The following SPOCK1 variants were observed in gnomAD, a reference collection of about 807,000 sequenced individuals.
The protein encoded by SPOCK1 is testican-1.
Under a neutral mutation model 55.3 loss-of-function variants are expected in SPOCK1, and 23 were observed. That is an observed-to-expected ratio of 0.42 (90% CI 0.30 to 0.59). SPOCK1 has a LOEUF of 0.59. Ranked by LOEUF, SPOCK1 falls within the 20% of genes least tolerant of loss-of-function variation. The probability of loss-of-function intolerance (pLI) is 0.22; values close to 1 mark genes in which losing one functional copy is unlikely to be tolerated. For missense variants in SPOCK1, 499 were observed against 552.5 expected (o/e 0.90, Z 0.97); for synonymous variants, 226 against 221.0 (o/e 1.02, Z -0.20).
chr5:137,149,731 T>G (rs992809394), intron 3 of SPOCK1, among the ~76,000 whole-genome samples: 1 of 152,322 alleles, frequency 6.6e-6, no homozygotes, highest in Admixed American at 6.5e-5. Flanking sequence ...TTGTTGATCA[T>G]GTAAGGATTG....
At chr5:137,193,412 A>G (rs1755228171) in intron 3 of SPOCK1, among the ~76,000 whole-genome samples, 1 of 152,190 alleles carries the variant, frequency 6.6e-6, no homozygotes, top group African/African-American at 2.4e-5. Flanking sequence ...TTTTCTAGCT[A>G]TAGTAACTGG....
At chr5:137,391,481 G>C (rs752174675) in intron 2 of SPOCK1, among the ~76,000 whole-genome samples, 31 of 152,098 alleles carry the variant, frequency 2.0e-4, no homozygotes, top group Non-Finnish European at 4.0e-4. Flanking sequence ...CTTCAATCCT[G>C]AGGGCAAGGG....
chr5:137,318,614 T>A (rs1757925944), intron 2 of SPOCK1, among the ~76,000 whole-genome samples: 1 of 152,192 alleles, frequency 6.6e-6, no homozygotes, highest in Admixed American at 6.5e-5. Flanking sequence ...GGGTTTGAAG[T>A]GGAAATAGAA....
intron 5 of SPOCK1, among the ~76,000 whole-genome samples, chr5:137,085,862 C>G (rs1376093879): frequency 6.6e-6 from 1 of 152,126 alleles, no homozygotes; most frequent in African/African-American, 2.4e-5. Context: ...TCACCCAAGG[C>G]AAAAAGCCCT....
chr5:137,284,102 T>C (rs147882643), intron 2 of SPOCK1, among the ~76,000 whole-genome samples: 63 of 152,340 alleles, frequency 4.1e-4, no homozygotes, highest in South Asian at 1.0e-3. Flanking sequence ...CTACATTTTG[T>C]AGCTGAGGAA....
intron 5 of SPOCK1, among the ~76,000 whole-genome samples, chr5:137,078,816 T>A (rs1460642870): frequency 6.6e-6 from 1 of 152,194 alleles, no homozygotes; most frequent in African/African-American, 2.4e-5. Flanking sequence ...AGCTTCTCCA[T>A]GCCGGACTGA....
At chr5:137,347,955 A>C (rs1057010455) in intron 2 of SPOCK1, among the ~76,000 whole-genome samples, 4 of 152,188 alleles carry the variant, frequency 2.6e-5, no homozygotes, top group Non-Finnish European at 5.9e-5. Context: ...TCTTGTTAAA[A>C]TGCACATTCT....
At chr5:137,150,003 A>C (rs529358890) in intron 3 of SPOCK1, among the ~76,000 whole-genome samples, 1 of 152,180 alleles carries the variant, frequency 6.6e-6, no homozygotes, top group African/African-American at 2.4e-5. Context: ...CGCACAGTTC[A>C]TGCTCATTTA....
intron 9 of SPOCK1, among the ~76,000 whole-genome samples, chr5:136,983,345 A>G (rs1750769975): frequency 6.6e-6 from 1 of 152,194 alleles, no homozygotes. Context: ...AGGCTATACC[A>G]AGATGATCAT....
intron 2 of SPOCK1, among the ~76,000 whole-genome samples, chr5:137,465,062 G>T (rs1753592881): frequency 6.6e-6 from 1 of 152,140 alleles, no homozygotes; most frequent in Admixed American, 6.5e-5. Flanking sequence ...GGAGAGGAAG[G>T]GAGTGCCAGA....
chr5:137,236,135 C>T (rs1464999200), intron 3 of SPOCK1, among the ~76,000 whole-genome samples: 1 of 152,260 alleles, frequency 6.6e-6, no homozygotes, highest in Admixed American at 6.5e-5. Flanking sequence ...CCAGAATTTT[C>T]TGCCCAAATG....
intron 5 of SPOCK1, among the ~76,000 whole-genome samples, chr5:137,077,951 C>G (rs1752803680): frequency 6.6e-6 from 1 of 151,734 alleles, no homozygotes; most frequent in South Asian, 2.1e-4. Flanking sequence ...TTTCATTTTA[C>G]AGATGAGAAG....
chr5:136,988,053 G>T (rs1197058931), intron 8 of SPOCK1, among the ~76,000 whole-genome samples: 1 of 152,092 alleles, frequency 6.6e-6, no homozygotes, highest in African/African-American at 2.4e-5. Context: ...CAATGAGAAT[G>T]ATTTTCATTG....
intron 6 of SPOCK1, among the ~76,000 whole-genome samples, chr5:137,041,085 T>A (rs1751988332): frequency 6.6e-6 from 1 of 152,206 alleles, no homozygotes; most frequent in Admixed American, 6.5e-5. Flanking sequence ...AAGTCTCATA[T>A]TACTAGATTT....
rs143673555 is a variant in SPOCK1 at position 137,312,342 on chromosome 5, G to T, written c.187-45287C>A. On this transcript the variant is annotated intron_variant, in intron 2 of 10. Coordinates refer to ENST00000394945, the MANE Select transcript of SPOCK1 (RefSeq NM_004598.4). ...CTGGCCTAGTCTTGGGACCTCAGAG[G>T]GTCATGGATCTGCTTGATCTCATCC... 1.2e-3 allele frequency among the ~76,000 whole-genome samples: 179 copies of T among 152,164 alleles called. 3 individuals carry two copies. The highest frequency in any genetic ancestry group is 4.0e-3 in the African/African-American group (168 of 41,526).
chr5:137,063,005 C>A (rs1307750571), intron 6 of SPOCK1, among the ~76,000 whole-genome samples: 3 of 150,840 alleles, frequency 2.0e-5, no homozygotes, highest in Admixed American at 6.6e-5. Flanking sequence ...GAGGCCGAGG[C>A]GGGTGGATCA....
chr5:136,992,708 G>C, intron 6 of SPOCK1, 108 bp from the exon 7 acceptor site: 1 of 738,406 alleles, frequency 1.4e-6, no homozygotes, highest in Non-Finnish European at 2.2e-6. Flanking sequence ...ATCCAACCAC[G>C]ATATAACTGT....
chr5:136,986,069 C>T lies in SPOCK1; in HGVS notation c.929-867G>A, dbSNP rs187352051. Among the ~76,000 whole-genome samples the T allele has an allele frequency of 1.4e-3, 206 of 152,302 alleles. 1 individual carries two copies. Among genetic ancestry groups the T allele is most frequent in the Non-Finnish European group, 2.3e-3 (158 of 68,020 alleles). ...TTTACAACTCTTACCCTGTAGACTG[C>T]ACAATGCTACCTGGTCTTGCTGCTT... On this transcript the variant is annotated intron_variant, in intron 8 of 10. Coordinates refer to ENST00000394945, the MANE Select transcript of SPOCK1 (RefSeq NM_004598.4).
intron 3 of SPOCK1, among the ~76,000 whole-genome samples, chr5:137,222,416 C>T (rs556801374): frequency 6.6e-6 from 1 of 152,270 alleles, no homozygotes; most frequent in South Asian, 2.1e-4. Flanking sequence ...TGTACATTTG[C>T]TTTCTGTGTA....
Sources: allele counts gnomAD v4.1 joint callset (sites outside exome capture counted in the v4.1 genomes callset), GRCh38; gene constraint gnomAD v4.1.1; transcripts MANE v1.5; gene names NCBI Gene and HGNC (gene_info 2026-07-23, HGNC 2026-07-21).